TNRC18: variants seen among roughly 807,000 people sequenced by gnomAD.
TNRC18 encodes the protein trinucleotide repeat-containing gene 18 protein.
Under a neutral mutation model 226.7 loss-of-function variants are expected in TNRC18, and 69 were observed. That is an observed-to-expected ratio of 0.30 (90% CI 0.25 to 0.37). The LOEUF is 0.37. TNRC18 is among the 10% of genes least tolerant of loss of function. The pLI is 1.00. For synonymous variants in TNRC18, 2,449 were observed against 1,927.6 expected (o/e 1.27, Z -7.09); for missense variants, 4,754 against 4,256.6 (o/e 1.12, Z -3.25).
At chr7:5,359,298 T>C in intron 15 of TNRC18, 100 bp downstream of exon 15, 1 of 1,253,430 alleles carries the variant, frequency 8.0e-7, no homozygotes, top group Non-Finnish European at 1.1e-6. Flanking sequence ...AAGGTTTCTG[T>C]ACAGGAACAA....
At chr7:5,380,202 C>T (rs535021931) in intron 5 of TNRC18, among the ~76,000 whole-genome samples, 49 of 152,238 alleles carry the variant, frequency 3.2e-4, no homozygotes, top group African/African-American at 1.2e-3. Context: ...TCCCAGCACT[C>T]TGGGAGGCCG....
At chr7:5,317,548 T>C (rs1350088679) in intron 24 of TNRC18, among the ~76,000 whole-genome samples, 1 of 151,794 alleles carries the variant, frequency 6.6e-6, no homozygotes, top group East Asian at 1.9e-4. Flanking sequence ...CTGAAATCAC[T>C]GCACCGCACT....
Position 5,332,696 on chromosome 7 carries a change from G to T in TNRC18, c.6073C>A (p.Arg2025Ser). The T allele has an allele frequency of 6.5e-7, 1 of 1,530,978 alleles. No homozygotes were observed. Among genetic ancestry groups the T allele is most frequent in the East Asian group, 2.5e-5 (1 of 39,616 alleles). 94.8% of individuals were successfully genotyped at this position (1,530,978 alleles called of 1,614,324 possible). The change falls in exon 19 of 30, where the codon CGC becomes AGC. Residue 2025 changes from arginine (R) to serine (S), a missense_variant. Transcript: ENST00000430969. ...CTCAGGGGGCCGCCCTTGGCGCAGC[G>T]GCTGGTCTTGGTGGCGGGCGCGGTG... is the stretch of plus-strand genomic sequence containing the variant. ...VSTAPATKTS[R>S]CAKGGPLSPR...
intron 8 of TNRC18, 65 bp downstream of exon 8, chr7:5,376,782 T>C (rs1583978304): frequency 1.9e-6 from 3 of 1,565,424 alleles, no homozygotes; most frequent in South Asian, 2.4e-5. Context: ...GCCCTTGGCA[T>C]CAGAGACCAT....
chr7:5,387,659 GCCCAGGA>G lies in TNRC18; in HGVS notation c.2152+6_2152+12del, dbSNP rs747119687. Reference sequence around the variant, plus strand: ...AAGATCCTACCCGCACCTGGGCTCTGCCCAGGACCTACCTTTGACGTTACTCAGCGAC... The same window carrying G: ...AAGATCCTACCCGCACCTGGGCTCTGCCTACCTTTGACGTTACTCAGCGAC... On this transcript the variant is annotated splice_donor_region_variant and intron_variant, in intron 5 of 29. Transcript: ENST00000430969. The G allele has an allele frequency of 2.5e-6, 4 of 1,602,152 alleles. No individual in the cohort carries two copies. In the Admixed American group the frequency reaches 5.0e-5, roughly 20 times the overall value.
At chr7:5,325,330 C>T in intron 19 of TNRC18, 82 bp from the exon 20 acceptor site, 1 of 1,482,150 alleles carries the variant, frequency 6.7e-7, no homozygotes, top group Non-Finnish European at 9.0e-7. Context: ...ACTCACTCAC[C>T]CCCAAGTTCT....
rs1787467159 is a variant in TNRC18, at chr7:5,313,254, T to G, written c.7637A>C (p.Lys2546Thr). 6.5e-7 allele frequency: 1 copy of G among 1,548,728 alleles called. No individual in the cohort carries two copies. Among genetic ancestry groups the G allele is most frequent in the Non-Finnish European group, 8.7e-7 (1 of 1,146,594 alleles). The change falls in exon 27 of 30, where the codon AAG (lysine) becomes ACG (threonine). Residue 2546 changes from lysine (K) to threonine (T), a missense_variant. Lys to Thr is a moderately conservative substitution (Grantham distance 78). Transcript: ENST00000430969. ...EDSGNPKSPDKAQAEQDGAEE... is the reference protein window; with the variant it reads ...EDSGNPKSPDTAQAEQDGAEE... ...GGCCCCGTCCTGCTCAGCCTGGGCC[T>G]TGTCTGGGCTCTTGGGGTTCCCAGA...
chr7:5,347,927 T>C (rs143539109), intron 17 of TNRC18, among the ~76,000 whole-genome samples: 3 of 152,246 alleles, frequency 2.0e-5, no homozygotes, highest in Non-Finnish European at 1.5e-5. Flanking sequence ...CACTCCAGCC[T>C]AGGTGACAGA....
At chr7:5,344,672 G>C (rs1267228634) in intron 18 of TNRC18, among the ~76,000 whole-genome samples, 1 of 152,146 alleles carries the variant, frequency 6.6e-6, no homozygotes, top group Admixed American at 6.5e-5. Context: ...CCCTACTGTG[G>C]CTCAGAAAAG....
Position 5,312,518 on chromosome 7 carries a change from G to A in TNRC18, c.8373C>T (p.Phe2791=), listed in dbSNP as rs763951331. The part of the protein sequence containing the change: ...FLPARQLWKW[F]GKPTQRRGMK... ...GCTTGCTCACCTGGGTGGGCTTGCCGAACCACTTCCAGAGCTGCCGGGCTG... is the reference window on the plus strand; with the variant it reads ...GCTTGCTCACCTGGGTGGGCTTGCCAAACCACTTCCAGAGCTGCCGGGCTG... Residue 2791 remains phenylalanine, a synonymous_variant, in exon 27 of 30, where the codon TTC becomes TTT. Coordinates refer to ENST00000430969, the MANE Select transcript of TNRC18 (RefSeq NM_001080495.3). The surrounding 1 kb of genome is among the most constrained non-coding windows in gnomAD (Gnocchi z 6.3). 7.1e-5 allele frequency: 115 copies of A among 1,610,844 alleles called. 1 individual carries two copies. Among genetic ancestry groups the A allele is most frequent in the Middle Eastern group, 4.2e-4 (2 of 4,766 alleles).
intron 2 of TNRC18, among the ~76,000 whole-genome samples, chr7:5,411,152 G>A (rs1781813628): frequency 6.7e-6 from 1 of 149,774 alleles, no homozygotes; most frequent in Non-Finnish European, 1.5e-5. Context: ...GGAGGTGGAG[G>A]TTGCAATGAG....
Position 5,356,897 on chromosome 7 carries a change from C to A in TNRC18, c.5194+19G>T. On this transcript the variant is annotated intron_variant, in intron 16 of 29. Coordinates refer to ENST00000430969, the MANE Select transcript of TNRC18 (RefSeq NM_001080495.3). ...GAGAGAAGCAGCGGACCAGAGGTGG[C>A]GCGGCATACGCTACTTACTGTAAGA... is the stretch of plus-strand genomic sequence containing the variant. The A allele has an allele frequency of 6.6e-7, 1 of 1,507,534 alleles. No individual in the cohort carries two copies. Among genetic ancestry groups the A allele is most frequent in the Admixed American group, 2.2e-5 (1 of 45,384 alleles). The allele number at this position is 1,507,534 out of a possible 1,614,324, so 93.4% of individuals were successfully genotyped here. A position where few individuals can be genotyped will look rare whatever the true frequency, so the allele number is the denominator to read the frequency against.
At chr7:5,330,077 GC>G (rs1366209403) in intron 19 of TNRC18, 4 of 438,648 alleles carry the variant, frequency 9.1e-6, no homozygotes, top group South Asian at 1.7e-5. Context: ...TGTGGTAGGT[GC>G]CCCCCAACAC....
chr7:5,376,207 C>A lies in TNRC18; in HGVS notation c.2626G>T (p.Ala876Ser), dbSNP rs1380848103. The change falls in exon 9 of 30, where the codon GCC (alanine) becomes TCC (serine). Residue 876 changes from alanine to serine, a missense_variant. Ala to Ser is a moderately conservative substitution (Grantham distance 99). Transcript: ENST00000430969. ...LPHFAELMER[A>S]TVPPLWPALY... is the part of the protein sequence containing the mutation. ...GCGGGCCAGAGGGGCGGTACGGTGG[C>A]CCGCTCCATCAGCTCCGCTGCAGGG... 1.6e-5 allele frequency: 24 copies of A among 1,509,306 alleles called. No individual in the cohort carries two copies. The highest frequency in any genetic ancestry group is 2.0e-5 in the Non-Finnish European group (23 of 1,132,080). The allele number at this position is 1,509,306 out of a possible 1,614,324, so 93.5% of individuals were successfully genotyped here.
intron 1 of TNRC18, among the ~76,000 whole-genome samples, chr7:5,422,171 C>T (rs138977539): frequency 6.6e-6 from 1 of 152,234 alleles, no homozygotes; most frequent in Non-Finnish European, 1.5e-5. Flanking sequence ...GCATTCTCGC[C>T]TAAGGACTGG....
intron 2 of TNRC18, chr7:5,420,803 G>C (rs1160722113): frequency 1.5e-6 from 1 of 678,912 alleles, no homozygotes; most frequent in Non-Finnish European, 2.7e-6. Context: ...CGCCCCCGGT[G>C]GCTCGGGCTA....
chr7:5,397,795 G>A (rs1562616537), intron 2 of TNRC18, among the ~76,000 whole-genome samples: 1 of 152,054 alleles, frequency 6.6e-6, no homozygotes, highest in Non-Finnish European at 1.5e-5. Flanking sequence ...CAAGTGACCT[G>A]TGACCACCCA....
intron 17 of TNRC18, among the ~76,000 whole-genome samples, chr7:5,347,434 G>A (rs1791314159): frequency 6.7e-6 from 1 of 149,466 alleles, no homozygotes; most frequent in South Asian, 2.1e-4. Flanking sequence ...CTGACCTCAT[G>A]ATCTGCCCGC....
intron 19 of TNRC18, among the ~76,000 whole-genome samples, chr7:5,325,857 C>T (rs1029475176): frequency 6.6e-6 from 1 of 151,356 alleles, no homozygotes; most frequent in African/African-American, 2.4e-5. Context: ...CTACCTCAGC[C>T]TCCTGAGTAG....
Sources: allele counts gnomAD v4.1 joint callset (sites outside exome capture counted in the v4.1 genomes callset), GRCh38; gene constraint gnomAD v4.1.1; non-coding constraint Gnocchi (gnomAD v3.1); transcripts MANE v1.5; gene names NCBI Gene and HGNC (gene_info 2026-07-23, HGNC 2026-07-21).